The following GRIN3A variants were observed in gnomAD, a reference collection of about 807,000 sequenced individuals.
GRIN3A encodes glutamate ionotropic receptor NMDA type subunit 3A, also known as glutamate receptor ionotropic, NMDA 3A.
In GRIN3A, 47 loss-of-function variants were observed where a neutral mutation model predicts 92.4. That is an observed-to-expected ratio of 0.51 (90% CI 0.40 to 0.65). The LOEUF (loss-of-function observed/expected upper bound fraction) is 0.65, where lower values mean the gene tolerates loss of function less well. GRIN3A is among the 30% of genes least tolerant of loss of function. The pLI is 0.00. For missense variants in GRIN3A, 1,324 were observed against 1,393.1 expected (o/e 0.95, Z 0.79); for synonymous variants, 527 against 540.6 (o/e 0.97, Z 0.35).
intron 3 of GRIN3A, among the ~76,000 whole-genome samples, chr9:101,639,349 A>G (rs529466411): frequency 6.6e-6 from 1 of 152,302 alleles, no homozygotes; most frequent in Admixed American, 6.5e-5. Context: ...TACAGAAAAA[A>G]AAAAAGGAGG....
chr9:101,604,038 T>C (rs924113341), intron 6 of GRIN3A, among the ~76,000 whole-genome samples: 1 of 152,196 alleles, frequency 6.6e-6, no homozygotes, highest in Admixed American at 6.5e-5. Context: ...TCTCTTGAGC[T>C]CCTATGAGCT....
intron 1 of GRIN3A, among the ~76,000 whole-genome samples, chr9:101,696,909 AT>A (rs199828797): frequency 0.018 from 2,730 of 152,284 alleles, 81 homozygotes; most frequent in African/African-American, 0.063. Flanking sequence ...TCTCAATTCC[AT>A]ACTCTCAAGA....
intron 6 of GRIN3A, among the ~76,000 whole-genome samples, chr9:101,609,659 C>T (rs1174662101): frequency 6.6e-6 from 1 of 152,174 alleles, no homozygotes; most frequent in Non-Finnish European, 1.5e-5. Flanking sequence ...TCTGAGTCCG[C>T]AGAGCTGTCT....
At chr9:101,613,036 C>T (rs147320959) in intron 6 of GRIN3A, among the ~76,000 whole-genome samples, 6 of 152,306 alleles carry the variant, frequency 3.9e-5, no homozygotes, top group East Asian at 3.9e-4. Context: ...CATCAATTAA[C>T]GATTAAATCA....
At chr9:101,684,390 C>T (rs978397459) in intron 2 of GRIN3A, among the ~76,000 whole-genome samples, 6 of 148,452 alleles carry the variant, frequency 4.0e-5, no homozygotes, top group Non-Finnish European at 8.9e-5. Flanking sequence ...GGATTACAGG[C>T]GTGAGCCACC....
intron 3 of GRIN3A, among the ~76,000 whole-genome samples, chr9:101,644,877 T>C (rs1200233407): frequency 1.3e-5 from 2 of 151,898 alleles, no homozygotes; most frequent in African/African-American, 4.8e-5. Context: ...TATTTTTTAT[T>C]AATAGAAAAT....
chr9:101,713,943 A>G (rs957984009), intron 1 of GRIN3A, among the ~76,000 whole-genome samples: 1 of 152,120 alleles, frequency 6.6e-6, no homozygotes, highest in African/African-American at 2.4e-5. Context: ...AAAACAAAAA[A>G]TTAGCCCTTG....
At chr9:101,602,696 G>T (rs1317462772) in intron 6 of GRIN3A, among the ~76,000 whole-genome samples, 1 of 152,142 alleles carries the variant, frequency 6.6e-6, no homozygotes, top group East Asian at 1.9e-4. Flanking sequence ...ATAAAAGCGG[G>T]GACTCTTATT....
chr9:101,607,735 C>A (rs1380952659), intron 6 of GRIN3A, among the ~76,000 whole-genome samples: 1 of 152,188 alleles, frequency 6.6e-6, no homozygotes, highest in Non-Finnish European at 1.5e-5. Context: ...CCTGGTTCCC[C>A]ACACTAACAG....
chr9:101,626,378 A>G (rs1828635056), intron 4 of GRIN3A, among the ~76,000 whole-genome samples: 2 of 152,188 alleles, frequency 1.3e-5, no homozygotes. Context: ...GGACAGGTTC[A>G]ATATGTAGAA....
chr9:101,628,452 T>C (rs1828666630), intron 3 of GRIN3A, 51 bp from the exon 4 acceptor site: 2 of 1,533,874 alleles, frequency 1.3e-6, no homozygotes, highest in Non-Finnish European at 1.8e-6. Context: ...CTTAGAAGTG[T>C]TTTTTAACAT....
chr9:101,721,093 T>C (rs999922662), intron 1 of GRIN3A, among the ~76,000 whole-genome samples: 1 of 152,204 alleles, frequency 6.6e-6, no homozygotes, highest in African/African-American at 2.4e-5. Context: ...TTTGGCTGTG[T>C]CTCCACCCAA....
intron 3 of GRIN3A, among the ~76,000 whole-genome samples, chr9:101,660,330 T>C (rs369098530): frequency 5.2e-4 from 79 of 152,002 alleles, no homozygotes; most frequent in African/African-American, 1.8e-3. Flanking sequence ...TACAATGTCC[T>C]GGCTCAAACA....
At chr9:101,580,008 A>C (rs1827869084) in intron 6 of GRIN3A, among the ~76,000 whole-genome samples, 1 of 152,096 alleles carries the variant, frequency 6.6e-6, no homozygotes, top group Non-Finnish European at 1.5e-5. Context: ...AGAAGACCAA[A>C]ATCTCCACCC....
chr9:101,691,005 C>A (rs1036980664), intron 1 of GRIN3A, among the ~76,000 whole-genome samples: 5 of 151,764 alleles, frequency 3.3e-5, no homozygotes, highest in African/African-American at 1.2e-4. Context: ...TCAGAAATTA[C>A]AATAATAAAA....
chr9:101,642,607 A>G (rs948027768), intron 3 of GRIN3A, among the ~76,000 whole-genome samples: 2 of 152,170 alleles, frequency 1.3e-5, no homozygotes, highest in African/African-American at 4.8e-5. Flanking sequence ...CAGCAGGCCA[A>G]CTGGTCCATG....
intron 6 of GRIN3A, among the ~76,000 whole-genome samples, chr9:101,600,048 C>A (rs969236796): frequency 6.6e-6 from 1 of 152,112 alleles, no homozygotes; most frequent in African/African-American, 2.4e-5. Flanking sequence ...GGTTTTAAAT[C>A]AAAGTTTTGC....
At chr9:101,677,615 C>T (rs1489353253) in intron 2 of GRIN3A, among the ~76,000 whole-genome samples, 1 of 151,914 alleles carries the variant, frequency 6.6e-6, no homozygotes, top group Non-Finnish European at 1.5e-5. Context: ...TCTTACGGCC[C>T]TAGGGAACCT....
At chr9:101,694,194 A>G (rs1317412625) in intron 1 of GRIN3A, among the ~76,000 whole-genome samples, 2 of 152,210 alleles carry the variant, frequency 1.3e-5, no homozygotes, top group Non-Finnish European at 1.5e-5. Flanking sequence ...GAGTATACAC[A>G]ATTAGAAGAA....
Sources: gnomAD v4.1 joint callset for allele counts (sites outside exome capture counted in the v4.1 genomes callset) on GRCh38, gnomAD v4.1.1 for gene constraint, MANE v1.5 for transcripts, NCBI Gene and HGNC (gene_info 2026-07-23, HGNC 2026-07-21) for gene names.